The following SLC18A1 variants were observed in gnomAD, a reference collection of about 807,000 sequenced individuals.
The protein encoded by SLC18A1 is chromaffin granule amine transporter.
In SLC18A1, 69 loss-of-function variants were observed where a neutral mutation model predicts 53.7. The ratio of observed to expected loss-of-function variants is 1.28; its 90% CI spans 1.06 to 1.57. The LOEUF is 1.57. Ranked by LOEUF, SLC18A1 falls within the 40% of genes most tolerant of loss-of-function variation. The probability of loss-of-function intolerance (pLI) is 0.00; values close to 1 mark genes in which losing one functional copy is unlikely to be tolerated. For missense variants in SLC18A1, 932 were observed against 668.1 expected (o/e 1.40, Z -4.35); for synonymous variants, 320 against 248.1 (o/e 1.29, Z -2.72).
intron 7 of SLC18A1, 46 bp from the exon 8 acceptor site, chr8:20,171,192 G>T: frequency 2.5e-6 from 4 of 1,604,074 alleles, no homozygotes; most frequent in South Asian, 1.1e-5. Context: ...CTACTGATTA[G>T]CTGGGGGCTC....
In SLC18A1 at chr8:20,179,197, G is replaced by T. The variant is rs761259650; in HGVS notation, c.412C>A (p.Arg138=). The change falls in exon 3 of 16, where the codon CGG becomes AGG. Residue 138 remains arginine, a synonymous_variant. Transcript: ENST00000276373. ...GTGFLEEEIT[R]VGVLFASKAV... The stretch of plus-strand genomic sequence containing the variant: ...TTTGAAGCAAACAGAACCCCGACCC[G>T]GGTAATCTCTTCCTCCAAGAAACCT... 7 of 1,614,168 alleles carry T rather than the reference G, an allele frequency of 4.3e-6. No homozygotes were observed. The South Asian group carries it at 7.7e-5, about 18-fold the overall frequency.
At chr8:20,176,084 C>T (rs1297680342) in intron 4 of SLC18A1, among the ~76,000 whole-genome samples, 1 of 152,198 alleles carries the variant, frequency 6.6e-6, no homozygotes, top group East Asian at 1.9e-4. Flanking sequence ...TTTGTCCCCA[C>T]CAAATCTCAT....
chr8:20,160,009 C>G (rs2071782655), intron 10 of SLC18A1, among the ~76,000 whole-genome samples: 1 of 151,882 alleles, frequency 6.6e-6, no homozygotes, highest in African/African-American at 2.4e-5. Flanking sequence ...CTCTCTATAC[C>G]TAGAAAAAAA....
rs779654192 is a variant in SLC18A1 at position 20,171,126 on chromosome 8, G to A, written c.835C>T (p.Gln279Ter). 1.9e-6 allele frequency: 3 copies of A among 1,614,180 alleles called. No homozygotes were observed. Among genetic ancestry groups the A allele is most frequent in the Admixed American group, 1.7e-5 (1 of 60,022 alleles). Residue 279 changes from glutamine (Q) to a stop codon, truncating the protein, a stop_gained, in exon 8 of 16, where the codon CAG becomes TAG. Transcript: ENST00000276373. LOFTEE classifies it high-confidence loss of function. ...ACCTCAGGAGAGACTTTGGAAGGCTGTAGGATGCAAAGCTGGAGTGCTAAG... is the reference window on the plus strand; with the variant it reads ...ACCTCAGGAGAGACTTTGGAAGGCTATAGGATGCAAAGCTGGAGTGCTAAG... ...LDGALQLCIL[Q>*]PSKVSPESAK...
intron 2 of SLC18A1, 26 bp downstream of exon 2, chr8:20,180,815 C>G (rs775810303): frequency 2.5e-6 from 4 of 1,612,836 alleles, no homozygotes; most frequent in Non-Finnish European, 3.4e-6. Flanking sequence ...CAAATTAACC[C>G]TCAGCACAAA....
intron 8 of SLC18A1, 119 bp from the exon 9 acceptor site, chr8:20,165,226 T>C: frequency 1.1e-6 from 1 of 881,400 alleles, no homozygotes; most frequent in Non-Finnish European, 1.8e-6. Flanking sequence ...TCTCCTTTAC[T>C]GCAGAGACCA....
intron 10 of SLC18A1, 134 bp from the exon 11 acceptor site, chr8:20,150,878 A>AC: frequency 1.3e-6 from 1 of 750,150 alleles, no homozygotes; most frequent in Non-Finnish European, 2.3e-6. Flanking sequence ...TGATCTGGGG[A>AC]CCTTTGTGCA....
At chr8:20,148,875 G>A (rs889857249) in intron 12 of SLC18A1, among the ~76,000 whole-genome samples, 2 of 152,126 alleles carry the variant, frequency 1.3e-5, no homozygotes, top group Non-Finnish European at 2.9e-5. Flanking sequence ...CAGACACTGT[G>A]GTTTATTTGG....
chr8:20,146,338 C>T (rs1432652715), intron 15 of SLC18A1, among the ~76,000 whole-genome samples: 1 of 152,196 alleles, frequency 6.6e-6, no homozygotes, highest in Non-Finnish European at 1.5e-5. Context: ...ATGCACCAGC[C>T]TCCCGGGGTA....
Position 20,165,066 on chromosome 8 carries a change from A to G in SLC18A1, c.900T>C (p.Pro300=). ...GTPLFMLLKD[P]YILVAAGSIC... ...GCTTACCTGCAGCCACCAGGATGTA[A>G]GGGTCTTTGAGAAGCATAAAGAGGG... Residue 300 remains proline, a synonymous_variant, in exon 9 of 16, where the codon CCT becomes CCC. Coordinates refer to ENST00000276373, the MANE Select transcript of SLC18A1 (RefSeq NM_003053.4). The G allele has an allele frequency of 1.2e-6, 2 of 1,614,190 alleles. No homozygotes were observed. The highest frequency in any genetic ancestry group is 8.5e-7 in the Non-Finnish European group (1 of 1,180,032).
In SLC18A1 at chr8:20,163,941, T is replaced by C. The variant is rs2071891024; in HGVS notation, c.1015+928A>G. On this transcript the variant is annotated intron_variant, in intron 10 of 15. Transcript: ENST00000276373. The stretch of plus-strand genomic sequence containing the variant: ...TCGAGACCCTGAGTGGTCAGAGCCT[T>C]AGGGCAGGCGATGAATTATCTGCAC... Among the ~76,000 whole-genome samples the C allele has an allele frequency of 2.0e-5, 3 of 152,254 alleles. No individual in the cohort carries two copies. The South Asian group carries it at 6.2e-4, about 32-fold the overall frequency.
chr8:20,181,696 T>C (rs1313197594), intron 1 of SLC18A1: 2 of 152,210 alleles, frequency 1.3e-5, no homozygotes, highest in Non-Finnish European at 2.9e-5. Context: ...AAATATTTCA[T>C]GTGGCACAGT....
intron 2 of SLC18A1, 132 bp downstream of exon 2, chr8:20,180,709 C>T (rs543883590): frequency 4.2e-4 from 487 of 1,159,990 alleles, no homozygotes; most frequent in Non-Finnish European, 5.4e-4. Flanking sequence ...CAGTCCCCAA[C>T]AACCTCTGTG....
intron 15 of SLC18A1, among the ~76,000 whole-genome samples, chr8:20,146,434 C>G (rs2071399834): frequency 6.6e-6 from 1 of 152,172 alleles, no homozygotes; most frequent in Admixed American, 6.5e-5. Flanking sequence ...CAGCAGGAAG[C>G]CAAATGGAAT....
intron 10 of SLC18A1, among the ~76,000 whole-genome samples, chr8:20,152,407 G>A (rs1202232529): frequency 6.6e-6 from 1 of 152,188 alleles, no homozygotes; most frequent in Non-Finnish European, 1.5e-5. Context: ...AAAAGTGATG[G>A]TGCCTCAGAT....
Position 20,145,721 on chromosome 8 carries a change from T to A in SLC18A1, c.*42A>T, listed in dbSNP as rs372396932. 153 of 1,278,814 alleles carry A rather than the reference T, an allele frequency of 1.2e-4. 2 individuals are homozygous for A. The South Asian group carries it at 1.8e-3, about 15-fold the overall frequency. The allele number at this position is 1,278,814 out of a possible 1,614,324, so 79.2% of individuals were successfully genotyped here. ...GGTGATCTGGTCCCAGGGAAAGAGG[T>A]GGTCACTGAGGCATCATGAATTCAA... On this transcript the variant is annotated 3_prime_UTR_variant, in exon 16 of 16. Transcript: ENST00000276373.
rs568925056 is a variant in SLC18A1, at chr8:20,161,680, G to A, written c.1015+3189C>T. Among the ~76,000 whole-genome samples, 23 of 152,322 alleles carry A rather than the reference G, an allele frequency of 1.5e-4. No individual in the cohort carries two copies. In the South Asian group the frequency reaches 4.6e-3, roughly 30 times the overall value. On this transcript the variant is annotated intron_variant, in intron 10 of 15. Transcript: ENST00000276373. ...TATTTCAAAAGGAAGCAACAGGGAA[G>A]AAGAAAGGGGTAACAGGTCCCACGA...
chr8:20,166,334 CCACCAGGTGGAAAATAATAAGGAAAGATT>C (rs2071964428), intron 8 of SLC18A1, among the ~76,000 whole-genome samples: 5 of 57,366 alleles, frequency 8.7e-5, no homozygotes, highest in South Asian at 6.2e-4. Flanking sequence ...TATATATACA[CCACCAGGTGGAAAATAATAAGGAAAGATT>C]CTGTGAACTA....
chr8:20,162,581 C>G (rs2071856627), intron 10 of SLC18A1, among the ~76,000 whole-genome samples: 1 of 152,218 alleles, frequency 6.6e-6, no homozygotes, highest in Non-Finnish European at 1.5e-5. Flanking sequence ...AGTTTATTGC[C>G]TCTAAGTTCT....
Sources: allele counts gnomAD v4.1 joint callset (sites outside exome capture counted in the v4.1 genomes callset), GRCh38; gene constraint gnomAD v4.1.1; transcripts MANE v1.5; gene names NCBI Gene and HGNC (gene_info 2026-07-23, HGNC 2026-07-21).